The following CDH12 variants were observed in gnomAD, a reference collection of about 807,000 sequenced individuals.
CDH12 encodes cadherin-12.
Under a neutral mutation model 74.1 loss-of-function variants are expected in CDH12, and 41 were observed. That is an observed-to-expected ratio of 0.55 (90% CI 0.43 to 0.72). CDH12 has a LOEUF of 0.72. CDH12 is among the 30% of genes least tolerant of loss of function. CDH12 has a pLI of 0.00. For synonymous variants in CDH12, 399 were observed against 355.0 expected (o/e 1.12, Z -1.39); for missense variants, 945 against 977.2 (o/e 0.97, Z 0.44).
intron 6 of CDH12, among the ~76,000 whole-genome samples, chr5:21,901,483 T>C (rs925113134): frequency 2.0e-5 from 3 of 152,208 alleles, no homozygotes; most frequent in Admixed American, 1.3e-4. Flanking sequence ...ACTGTTCTAC[T>C]TCTATGACAT....
chr5:22,638,519 TG>T (rs1311481466), intron 1 of CDH12, among the ~76,000 whole-genome samples: 5 of 152,132 alleles, frequency 3.3e-5, no homozygotes, highest in Non-Finnish European at 5.9e-5. Context: ...GCTGATTATA[TG>T]GTGCCCACCC....
At position 22,321,644 on chromosome 5, in the gene CDH12, T is replaced by TA. The variant is rs540108647; in HGVS notation, c.-333+83612dup. On this transcript the variant is annotated intron_variant, in intron 3 of 14. Coordinates refer to ENST00000382254, the MANE Select transcript of CDH12 (RefSeq NM_004061.5). ...ATGTACCCTAAAACTTAAAGTATAA[T>TA]AAAAAAAATAAATTAAAAAAAAGAA... Among the ~76,000 whole-genome samples, 424 of 151,394 alleles carry TA rather than the reference T, an allele frequency of 2.8e-3. 2 individuals are homozygous for TA. Among genetic ancestry groups the TA allele is most frequent in the African/African-American group, 9.3e-3 (383 of 41,330 alleles).
At chr5:22,447,512 A>G (rs1744861294) in intron 2 of CDH12, among the ~76,000 whole-genome samples, 1 of 152,160 alleles carries the variant, frequency 6.6e-6, no homozygotes, top group Non-Finnish European at 1.5e-5. Context: ...GGAGACAGTA[A>G]CACAGGAAGG....
chr5:21,888,672 A>G (rs964984525), intron 6 of CDH12, among the ~76,000 whole-genome samples: 2 of 152,144 alleles, frequency 1.3e-5, no homozygotes, highest in Non-Finnish European at 2.9e-5. Flanking sequence ...TATTTGTGAT[A>G]ATACTTTTAA....
At chr5:22,382,267 ATAT>A (rs1030323444) in intron 3 of CDH12, among the ~76,000 whole-genome samples, 13 of 147,060 alleles carry the variant, frequency 8.8e-5, no homozygotes, top group African/African-American at 2.7e-4. Flanking sequence ...TATAGAATAC[ATAT>A]TATATATAGT....
At position 22,470,416 on chromosome 5, in the gene CDH12, A is replaced by ATTTTATTTTATTTTATTTTATTTAT. The variant is rs145307255; in HGVS notation, c.-428+34853_-428+34854insATAAATAAAATAAAATAAAATAAAA. The stretch of plus-strand genomic sequence containing the variant: ...AATTATTTTTATTTTATTTTATTTT[A>ATTTTATTTTATTTTATTTTATTTAT]TTTATTTTATTTTTGGTAGAAACAG... On this transcript the variant is annotated intron_variant, in intron 2 of 14. Coordinates refer to ENST00000382254, the MANE Select transcript of CDH12 (RefSeq NM_004061.5). Among the ~76,000 whole-genome samples, 647 of 146,404 alleles carry ATTTTATTTTATTTTATTTTATTTAT rather than the reference A, an allele frequency of 4.4e-3. 8 individuals are homozygous for ATTTTATTTTATTTTATTTTATTTAT. The highest frequency in any genetic ancestry group is 0.016 in the African/African-American group (617 of 39,604).
chr5:21,760,659 C>T lies in CDH12; in HGVS notation c.1532G>A (p.Ser511Asn). The T allele has an allele frequency of 6.3e-7, 1 of 1,597,670 alleles. No individual in the cohort carries two copies. The highest frequency in any genetic ancestry group is 8.6e-7 in the Non-Finnish European group (1 of 1,165,854). ...AGGTGAAAGATCTCGGTCTGCAGCA[C>T]TGACTATCTGAATTATCTGCAACAG... is the stretch of plus-strand genomic sequence containing the variant. ...AKPGQIIQIV[S>N]AADRDLSPAG... Residue 511 changes from serine (S) to asparagine (N), a missense_variant, in exon 13 of 15, where the codon AGT becomes AAT. Around this residue, in one of 3 missense-constraint regions of CDH12, gnomAD observed 791 missense variants for 792.8 expected, o/e 1.00. Coordinates refer to ENST00000382254, the MANE Select transcript of CDH12 (RefSeq NM_004061.5).
chr5:22,593,112 A>G (rs269893), intron 1 of CDH12, among the ~76,000 whole-genome samples: 74,095 of 151,136 alleles, frequency 0.49, 18,475 homozygotes, highest in Admixed American at 0.58. Flanking sequence ...ATCTTGTACT[A>G]ACCCTCATTG....
intron 2 of CDH12, among the ~76,000 whole-genome samples, chr5:22,456,775 C>T (rs1361815798): frequency 6.6e-6 from 1 of 152,074 alleles, no homozygotes; most frequent in Non-Finnish European, 1.5e-5. Context: ...TTTTCTCTAG[C>T]TTAAGATATG....
intron 3 of CDH12, among the ~76,000 whole-genome samples, chr5:22,287,853 G>A (rs910077375): frequency 1.3e-5 from 2 of 151,764 alleles, no homozygotes; most frequent in South Asian, 4.1e-4. Context: ...TTCTGAAAAA[G>A]ACTGTTATCA....
intron 1 of CDH12, among the ~76,000 whole-genome samples, chr5:22,762,321 G>T (rs1318030722): frequency 1.3e-5 from 2 of 151,846 alleles, no homozygotes; most frequent in African/African-American, 2.4e-5. Flanking sequence ...TCTGTCCCTT[G>T]GTGTTACAAA....
intron 2 of CDH12, among the ~76,000 whole-genome samples, chr5:22,433,208 G>T (rs142440916): frequency 6.6e-6 from 1 of 151,870 alleles, no homozygotes; most frequent in Non-Finnish European, 1.5e-5. Context: ...ATTCCAGATT[G>T]GTTTCTACTT....
intron 13 of CDH12, among the ~76,000 whole-genome samples, chr5:21,756,076 T>C (rs1744379534): frequency 6.6e-6 from 1 of 152,166 alleles, no homozygotes; most frequent in African/African-American, 2.4e-5. Context: ...TTCAGAAAGA[T>C]TATGGAATGC....
intron 1 of CDH12, among the ~76,000 whole-genome samples, chr5:22,511,662 T>G (rs1736614656): frequency 6.6e-6 from 1 of 152,194 alleles, no homozygotes; most frequent in Non-Finnish European, 1.5e-5. Context: ...CACAACTGCT[T>G]TGAAGAACCA....
chr5:22,525,767 T>C (rs1737245367), intron 1 of CDH12, among the ~76,000 whole-genome samples: 1 of 152,096 alleles, frequency 6.6e-6, no homozygotes, highest in Non-Finnish European at 1.5e-5. Flanking sequence ...AAAAATTGCA[T>C]GTCATGTAGT....
intron 4 of CDH12, among the ~76,000 whole-genome samples, chr5:22,138,716 T>C (rs1007718110): frequency 1.3e-5 from 2 of 149,560 alleles, no homozygotes; most frequent in Admixed American, 1.3e-4. Context: ...ACAAAGATTT[T>C]AGTTAGTCTT....
At chr5:21,937,021 A>G (rs1263422076) in intron 6 of CDH12, among the ~76,000 whole-genome samples, 1 of 152,202 alleles carries the variant, frequency 6.6e-6, no homozygotes, top group Admixed American at 6.5e-5. Context: ...TGTGAAATGG[A>G]CTAATAAGAT....
intron 5 of CDH12, among the ~76,000 whole-genome samples, chr5:22,033,188 G>A (rs1034507057): frequency 5.9e-5 from 9 of 152,108 alleles, no homozygotes; most frequent in African/African-American, 1.9e-4. Flanking sequence ...TACATTCTGT[G>A]AGTAGAAAAT....
At chr5:22,823,936 G>T (rs1749866359) in intron 1 of CDH12, among the ~76,000 whole-genome samples, 1 of 151,984 alleles carries the variant, frequency 6.6e-6, no homozygotes, top group Non-Finnish European at 1.5e-5. Context: ...AGCAGTGTGA[G>T]AACAAATTAA....
Sources: gnomAD v4.1 joint callset for allele counts (sites outside exome capture counted in the v4.1 genomes callset) on GRCh38, gnomAD v4.1.1 for gene constraint, gnomAD v4.1.1 regional missense constraint, MANE v1.5 for transcripts, NCBI Gene and HGNC (gene_info 2026-07-23, HGNC 2026-07-21) for gene names.